Variants in LTBP1 observed in about 807,000 individuals in gnomAD.
The protein encoded by LTBP1 is latent transforming growth factor beta binding protein 1.
LTBP1 carries 129 observed loss-of-function variants against 207.6 expected under a neutral mutation model. The observed-to-expected ratio is 0.62, with a 90% CI of 0.54 to 0.72. LTBP1 has a LOEUF of 0.72. LTBP1 is among the 30% of genes least tolerant of loss of function. The probability of loss-of-function intolerance (pLI) is 0.00; values close to 1 mark genes in which losing one functional copy is unlikely to be tolerated. For synonymous variants in LTBP1, 963 were observed against 833.7 expected (o/e 1.16, Z -2.67); for missense variants, 2,281 against 2,217.2 (o/e 1.03, Z -0.58).
At chr2:33,380,980 G>A (rs2095207262) in intron 31 of LTBP1, among the ~76,000 whole-genome samples, 1 of 152,192 alleles carries the variant, frequency 6.6e-6, no homozygotes, top group Non-Finnish European at 1.5e-5. Context: ...TTAAAGAGCA[G>A]GAAAGGGGAA....
intron 3 of LTBP1, among the ~76,000 whole-genome samples, chr2:33,109,153 TA>T (rs2080241550): frequency 6.6e-6 from 1 of 152,250 alleles, no homozygotes; most frequent in African/African-American, 2.4e-5. Flanking sequence ...TCCCACAGAA[TA>T]GCTCATTTAC....
In LTBP1 at chr2:33,053,215, A is replaced by G. The variant is rs189395825; in HGVS notation, c.863+32009A>G. Among the ~76,000 whole-genome samples, 4 of 152,232 alleles carry G rather than the reference A, an allele frequency of 2.6e-5. No individual in the cohort carries two copies. The East Asian group carries it at 7.7e-4, about 29-fold the overall frequency. ...AGGGCAGTTTTAGGTTCACAGCAAA[A>G]TTGGAGAGGAAGGTCCAGACTTCCT... On this transcript the variant is annotated intron_variant, in intron 3 of 33. Coordinates refer to ENST00000404816, the MANE Select transcript of LTBP1 (RefSeq NM_206943.4).
intron 18 of LTBP1, among the ~76,000 whole-genome samples, chr2:33,277,845 T>TTC (rs2093477325): frequency 8.6e-6 from 1 of 115,970 alleles, no homozygotes; most frequent in African/African-American, 3.5e-5. Flanking sequence ...TTTTTTTTTT[T>TTC]TTTAAAGACA....
chr2:33,009,707 C>T (rs886585392), intron 2 of LTBP1, among the ~76,000 whole-genome samples: 4 of 152,122 alleles, frequency 2.6e-5, no homozygotes, highest in African/African-American at 4.8e-5. Flanking sequence ...TGTGATACTT[C>T]GTTATGGCAG....
intron 3 of LTBP1, among the ~76,000 whole-genome samples, chr2:33,050,900 A>G (rs757369625): frequency 2.6e-4 from 40 of 151,972 alleles, no homozygotes; most frequent in Non-Finnish European, 5.4e-4. Flanking sequence ...TGCCCAGCTA[A>G]TTTTTATATT....
At chr2:33,334,486 A>G (rs1000791912) in intron 24 of LTBP1, among the ~76,000 whole-genome samples, 16 of 152,358 alleles carry the variant, frequency 1.1e-4, no homozygotes, top group Admixed American at 7.8e-4. Context: ...CGAGTGAAAG[A>G]TAATGTGTCC....
chr2:33,385,701 G>A (rs749284171), intron 31 of LTBP1, among the ~76,000 whole-genome samples: 5 of 152,134 alleles, frequency 3.3e-5, no homozygotes, highest in Non-Finnish European at 7.4e-5. Flanking sequence ...ATTACCCCAC[G>A]ATCCTGGCCA....
intron 2 of LTBP1, among the ~76,000 whole-genome samples, chr2:32,985,458 TAG>T (rs1683408932): frequency 1.3e-5 from 2 of 152,200 alleles, no homozygotes; most frequent in African/African-American, 4.8e-5. Context: ...TTCTGTCTCC[TAG>T]AGGAGCTCAG....
At chr2:33,050,466 C>G (rs1417533980) in intron 3 of LTBP1, among the ~76,000 whole-genome samples, 2 of 152,100 alleles carry the variant, frequency 1.3e-5, no homozygotes, top group East Asian at 3.9e-4. Context: ...AGAGTACACA[C>G]AACTCACCTG....
intron 2 of LTBP1, among the ~76,000 whole-genome samples, chr2:32,955,754 A>G (rs993655530): frequency 6.6e-6 from 1 of 152,182 alleles, no homozygotes; most frequent in Non-Finnish European, 1.5e-5. Context: ...AGGAGAAACT[A>G]TGGTCTTATC....
chr2:33,275,802 T>C lies in LTBP1; in HGVS notation c.2871T>C (p.Asp957=). The change falls in exon 18 of 34, where the codon GAT becomes GAC. Residue 957 remains aspartate (D), a splice_region_variant and synonymous_variant. Coordinates refer to ENST00000404816, the MANE Select transcript of LTBP1 (RefSeq NM_206943.4). ...MASEEGTNCI[D]VDECLRPDVC... is the part of the protein sequence containing the mutation. ...AACAATGCTATCTGCTCTTCGTAGA[T>C]GTTGACGAATGCCTGAGGCCGGACG... is the stretch of plus-strand genomic sequence containing the variant. 1.2e-6 allele frequency: 2 copies of C among 1,613,988 alleles called. No individual in the cohort carries two copies. The highest frequency in any genetic ancestry group is 4.5e-5 in the East Asian group (2 of 44,886).
intron 9 of LTBP1, among the ~76,000 whole-genome samples, chr2:33,236,544 G>C (rs146412635): frequency 4.6e-5 from 7 of 152,216 alleles, no homozygotes; most frequent in African/African-American, 1.7e-4. Flanking sequence ...TACTATGCTG[G>C]GATAGGTTTC....
intron 31 of LTBP1, among the ~76,000 whole-genome samples, chr2:33,367,718 T>C (rs2095010581): frequency 1.3e-5 from 2 of 152,136 alleles, no homozygotes; most frequent in South Asian, 4.1e-4. Flanking sequence ...ATTACATGGA[T>C]AAAGAAATTT....
intron 9 of LTBP1, among the ~76,000 whole-genome samples, chr2:33,226,710 G>A (rs957131): frequency 4.6e-5 from 7 of 152,194 alleles, no homozygotes; most frequent in Non-Finnish European, 1.0e-4. Context: ...GGTCACTGTC[G>A]TGGCATTTGT....
At chr2:33,162,261 A>G (rs561754302) in intron 5 of LTBP1, among the ~76,000 whole-genome samples, 4 of 152,376 alleles carry the variant, frequency 2.6e-5, no homozygotes, top group South Asian at 2.1e-4. Context: ...AGGTTTATAC[A>G]TAATAAATGC....
chr2:33,315,498 G>A (rs1371531712), intron 24 of LTBP1, among the ~76,000 whole-genome samples: 3 of 152,160 alleles, frequency 2.0e-5, no homozygotes, highest in Non-Finnish European at 4.4e-5. Context: ...ATGGCTCCAC[G>A]ACTGGTACTG....
At chr2:33,116,677 T>C (rs1229544668) in intron 4 of LTBP1, among the ~76,000 whole-genome samples, 1 of 151,566 alleles carries the variant, frequency 6.6e-6, no homozygotes, top group Non-Finnish European at 1.5e-5. Context: ...TAAACAGATA[T>C]AACTCAGGCT....
chr2:33,056,632 C>T (rs1435953638), intron 3 of LTBP1: 3 of 241,390 alleles, frequency 1.2e-5, no homozygotes, highest in Non-Finnish European at 2.4e-5. Flanking sequence ...GGAGTTTGTT[C>T]CTTCTGATGT....
intron 5 of LTBP1, among the ~76,000 whole-genome samples, chr2:33,172,331 A>G (rs1296931589): frequency 6.6e-6 from 1 of 152,100 alleles, no homozygotes. Flanking sequence ...AATGGAAAAC[A>G]AAAAAAGGCA....
Sources: allele counts gnomAD v4.1 joint callset (sites outside exome capture counted in the v4.1 genomes callset), GRCh38; gene constraint gnomAD v4.1.1; transcripts MANE v1.5; gene names NCBI Gene and HGNC (gene_info 2026-07-23, HGNC 2026-07-21).